The following MTA3 variants were observed in gnomAD, a reference collection of about 807,000 sequenced individuals.
MTA3 encodes metastasis associated 1 family member 3.
MTA3 carries 34 observed loss-of-function variants against 83.5 expected under a neutral mutation model. The observed-to-expected ratio is 0.41, with a 90% CI of 0.31 to 0.54. The LOEUF (loss-of-function observed/expected upper bound fraction) is 0.54, where lower values mean the gene tolerates loss of function less well. MTA3 is among the 20% of genes least tolerant of loss of function. MTA3 has a pLI of 0.33. For missense variants in MTA3, 761 were observed against 726.4 expected, an observed-to-expected ratio of 1.05 and a Z score of -0.55; for synonymous variants, 303 against 252.7, an observed-to-expected ratio of 1.20 and a Z score of -1.89.
intron 3 of MTA3, among the ~76,000 whole-genome samples, chr2:42,589,944 G>A (rs1019575800): frequency 6.6e-6 from 1 of 152,192 alleles, no homozygotes; most frequent in African/African-American, 2.4e-5. Flanking sequence ...GGGTGGTTGA[G>A]AGGAGATGCC....
At chr2:42,644,413 A>G (rs1043683321) in intron 6 of MTA3, among the ~76,000 whole-genome samples, 169 bp downstream of exon 6, 2 of 152,200 alleles carry the variant, frequency 1.3e-5, no homozygotes, top group African/African-American at 4.8e-5. Context: ...ATAAATAGAG[A>G]TGAGGCCTCG....
At chr2:42,735,369 T>G (rs1044945441) in intron 16 of MTA3, among the ~76,000 whole-genome samples, 2 of 152,214 alleles carry the variant, frequency 1.3e-5, no homozygotes, top group Non-Finnish European at 2.9e-5. Context: ...TTTGTTCCTT[T>G]TCTCTTGCTA....
intron 5 of MTA3, among the ~76,000 whole-genome samples, 162 bp from the exon 6 acceptor site, chr2:42,643,965 G>A (rs373184869): frequency 2.0e-5 from 3 of 152,048 alleles, no homozygotes; most frequent in African/African-American, 2.4e-5. Context: ...ACATGATGAC[G>A]GTAACACCAT....
At chr2:42,732,229 A>G (rs1197090405) in intron 16 of MTA3, among the ~76,000 whole-genome samples, 4 of 152,188 alleles carry the variant, frequency 2.6e-5, no homozygotes, top group African/African-American at 9.7e-5. Context: ...CCCTGCAGCA[A>G]ACTTTTGCCT....
intron 2 of MTA3, among the ~76,000 whole-genome samples, chr2:42,517,660 C>G (rs868718347): frequency 1.4e-4 from 21 of 151,488 alleles, no homozygotes; most frequent in African/African-American, 4.6e-4. Flanking sequence ...AGGTGATCAC[C>G]TGAGGTCAAG....
intron 14 of MTA3, 175 bp downstream of exon 14, chr2:42,709,271 C>T: frequency 7.3e-7 from 1 of 1,365,366 alleles, no homozygotes; most frequent in Non-Finnish European, 9.3e-7. Context: ...TTGTATCATG[C>T]CAACCTGGAA....
intron 16 of MTA3, among the ~76,000 whole-genome samples, chr2:42,732,482 T>C (rs776590332): frequency 1.3e-4 from 20 of 152,192 alleles, no homozygotes; most frequent in Non-Finnish European, 2.6e-4. Context: ...GGGCCTGGCC[T>C]ATGAAACCAC....
At chr2:42,555,928 C>T (rs1003695751) in intron 2 of MTA3, among the ~76,000 whole-genome samples, 5 of 151,598 alleles carry the variant, frequency 3.3e-5, no homozygotes, top group Non-Finnish European at 4.4e-5. Flanking sequence ...AAAAAGTAGC[C>T]AGACATGGTG....
intron 4 of MTA3, among the ~76,000 whole-genome samples, chr2:42,625,935 CT>C (rs1195169232): frequency 3.2e-4 from 45 of 140,916 alleles, no homozygotes; most frequent in Admixed American, 1.5e-3. Flanking sequence ...TTCAGTTATC[CT>C]TTTTTTTTTC....
intron 2 of MTA3, among the ~76,000 whole-genome samples, chr2:42,547,596 G>A (rs934313599): frequency 6.6e-6 from 1 of 152,240 alleles, no homozygotes; most frequent in African/African-American, 2.4e-5. Flanking sequence ...CTCTCAAAGC[G>A]CTGGGATTAC....
intron 14 of MTA3, among the ~76,000 whole-genome samples, chr2:42,717,142 T>G (rs970894374): frequency 4.7e-5 from 7 of 149,680 alleles, no homozygotes; most frequent in African/African-American, 1.7e-4. Flanking sequence ...TTTTTTTTTT[T>G]TTTTTTTTTT....
intron 14 of MTA3, among the ~76,000 whole-genome samples, chr2:42,714,637 T>G (rs182267082): frequency 1.3e-5 from 2 of 152,186 alleles, no homozygotes; most frequent in Admixed American, 1.3e-4. Flanking sequence ...CAAGGAAATA[T>G]AGATCATCCT....
In MTA3 at chr2:42,735,703, C is replaced by G. The variant is rs116772826; in HGVS notation, c.1759+12668C>G. On this transcript the variant is annotated intron_variant, in intron 16 of 16. Coordinates refer to ENST00000405094, the MANE Select transcript of MTA3 (RefSeq NM_001330442.2). ...CTGTGTATTTCAAATAGCCTGTCTT[C>G]AAGCTGACTAATTCTTTCTTGTGCT... 5.6e-3 allele frequency among the ~76,000 whole-genome samples: 856 copies of G among 152,296 alleles called. 4 individuals are homozygous for G. Among genetic ancestry groups the G allele is most frequent in the Non-Finnish European group, 8.5e-3 (576 of 68,030 alleles).
At chr2:42,631,674 GTTATTTTGTATTA>G (rs1686687287) in intron 4 of MTA3, among the ~76,000 whole-genome samples, 1 of 152,122 alleles carries the variant, frequency 6.6e-6, no homozygotes. Flanking sequence ...TACTCTTTTA[GTTATTTTGTATTA>G]TTATTTTATT....
chr2:42,577,105 A>AAAAAAATAT (rs1211189566), intron 2 of MTA3, among the ~76,000 whole-genome samples: 4 of 86,916 alleles, frequency 4.6e-5, no homozygotes, highest in African/African-American at 2.2e-4. Context: ...AAAAAAAAAA[A>AAAAAAATAT]ATATATATAT....
At chr2:42,663,975 G>A (rs1689978793) in intron 8 of MTA3, among the ~76,000 whole-genome samples, 1 of 152,144 alleles carries the variant, frequency 6.6e-6, no homozygotes, top group African/African-American at 2.4e-5. Context: ...AGAGGCTCAG[G>A]AAGTGGTGTT....
At chr2:42,595,710 T>C (rs930961968) in intron 3 of MTA3, among the ~76,000 whole-genome samples, 1 of 152,194 alleles carries the variant, frequency 6.6e-6, no homozygotes, top group South Asian at 2.1e-4. Context: ...TTTGGGTATA[T>C]ATATATTTTT....
intron 2 of MTA3, among the ~76,000 whole-genome samples, chr2:42,507,247 C>A (rs1274827117): frequency 6.6e-6 from 1 of 152,098 alleles, no homozygotes; most frequent in Non-Finnish European, 1.5e-5. Flanking sequence ...TCACAGCTCA[C>A]TGTGGCCTTG....
intron 10 of MTA3, 123 bp downstream of exon 10, chr2:42,695,962 T>A: frequency 1.7e-6 from 1 of 599,844 alleles, no homozygotes; most frequent in Non-Finnish European, 2.9e-6. Flanking sequence ...CAGACTACTT[T>A]AAACTACATG....
Sources: allele counts gnomAD v4.1 joint callset (sites outside exome capture counted in the v4.1 genomes callset), GRCh38; gene constraint gnomAD v4.1.1; transcripts MANE v1.5; gene names NCBI Gene and HGNC (gene_info 2026-07-23, HGNC 2026-07-21).